SLC11A2: variants seen among roughly 807,000 people sequenced by gnomAD.
The protein encoded by SLC11A2 is natural resistance-associated macrophage protein 2.
In SLC11A2, 38 loss-of-function variants were observed where a neutral mutation model predicts 68.0. That is an observed-to-expected ratio of 0.56 (90% CI 0.43 to 0.73). The LOEUF is 0.73. SLC11A2 is among the 30% of genes least tolerant of loss of function. The pLI, the probability that SLC11A2 is intolerant of heterozygous loss-of-function variation, is 0.00. For synonymous variants in SLC11A2, 242 were observed against 250.6 expected, an observed-to-expected ratio of 0.97 and a Z score of 0.32; for missense variants, 517 against 690.5, an observed-to-expected ratio of 0.75 and a Z score of 2.82.
Position 51,009,025 on chromosome 12 carries a change from C to G in SLC11A2, c.35-401G>C, listed in dbSNP as rs1200723096. The stretch of plus-strand genomic sequence containing the variant: ...AAAATATCATATTCCCAGACCAGCT[C>G]CTGGTAACCTAAAATCCTAGCTTTT... On this transcript the variant is annotated intron_variant, in intron 2 of 15. Coordinates refer to ENST00000262052, the MANE Select transcript of SLC11A2 (RefSeq NM_000617.3). The G allele has an allele frequency of 3.8e-6, 3 of 781,128 alleles. No homozygotes were observed. In the African/African-American group the frequency reaches 5.1e-5, roughly 13 times the overall value. The allele number at this position is 781,128 out of a possible 1,614,324, so 48.4% of individuals were successfully genotyped here.
At chr12:50,955,046 C>A in the SLC11A2 span, among the ~76,000 whole-genome samples, 1 of 152,142 alleles carries the variant, frequency 6.6e-6, no homozygotes, top group Non-Finnish European at 1.5e-5. Flanking sequence ...AATCCCAGCA[C>A]TTTGAGAGGC....
rs1941070954 is a variant in SLC11A2, at chr12:50,990,788, G to C, written c.1575+7C>G. On this transcript the variant is annotated splice_region_variant and intron_variant, in intron 15 of 15. Transcript: ENST00000262052. ...CCTATGCCCCTGCTCTTCCAGGCTAGACTTACCAAGTAGAACACAAAGCCC... is the reference window on the plus strand; with the variant it reads ...CCTATGCCCCTGCTCTTCCAGGCTACACTTACCAAGTAGAACACAAAGCCC... The C allele has an allele frequency of 6.2e-7, 1 of 1,613,894 alleles. No homozygotes were observed.
intron 5 of SLC11A2, among the ~76,000 whole-genome samples, chr12:51,004,584 T>C (rs1942555853): frequency 6.6e-6 from 1 of 151,808 alleles, no homozygotes; most frequent in African/African-American, 2.4e-5. Flanking sequence ...GAAATGCGAG[T>C]CTCAAGTTAG....
intron 5 of SLC11A2, among the ~76,000 whole-genome samples, chr12:51,000,877 G>A (rs1486605241): frequency 6.6e-6 from 1 of 152,074 alleles, no homozygotes; most frequent in Non-Finnish European, 1.5e-5. Context: ...TGAAAAGGTT[G>A]GGGTCAGGCT....
rs899426163 is a variant in SLC11A2 at position 50,986,332 on chromosome 12, C to G, written c.*1993G>C. ...CAGAGTACTGGTTAAAATGCACTTT[C>G]TGTGAAGATCAAATGCAATAACGTA... On this transcript the variant is annotated 3_prime_UTR_variant, in exon 16 of 16. Coordinates refer to ENST00000262052, the MANE Select transcript of SLC11A2 (RefSeq NM_000617.3). 1.6e-6 allele frequency: 2 copies of G among 1,284,828 alleles called. No individual in the cohort carries two copies. The highest frequency in any genetic ancestry group is 2.0e-6 in the Non-Finnish European group (2 of 986,502). 79.6% of individuals were successfully genotyped at this position (1,284,828 alleles called of 1,614,324 possible).
At chr12:50,955,426 G>T in the SLC11A2 span, among the ~76,000 whole-genome samples, 1 of 152,166 alleles carries the variant, frequency 6.6e-6, no homozygotes, top group African/African-American at 2.4e-5. Context: ...ATGTTTTGAA[G>T]TCTGAGCTTT....
At chr12:50,981,861 G>T (rs905602048), downstream of SLC11A2, 2 of 975,122 alleles carry the variant, frequency 2.1e-6, no homozygotes, top group Non-Finnish European at 3.0e-6. Context: ...ATTGAAATCA[G>T]CTTTTAAGTA....
At chr12:50,960,254 A>T in the SLC11A2 span, among the ~76,000 whole-genome samples, 1 of 152,126 alleles carries the variant, frequency 6.6e-6, no homozygotes, top group East Asian at 1.9e-4. Flanking sequence ...AGAAGCACAA[A>T]TTTTTTCTCA....
chr12:50,959,036 A>G, the SLC11A2 span, among the ~76,000 whole-genome samples: 6 of 152,058 alleles, frequency 3.9e-5, no homozygotes, highest in African/African-American at 1.4e-4. Flanking sequence ...ACAAACAAAA[A>G]AAAGATGCAC....
At chr12:51,028,375 C>A (rs779759208), upstream of SLC11A2, 6 of 563,248 alleles carry the variant, frequency 1.1e-5, no homozygotes, top group Non-Finnish European at 1.9e-5. Flanking sequence ...AGAGGCAAAC[C>A]ACGCCCTCCA....
chr12:50,985,908 C>A, downstream of SLC11A2: 1 of 974,138 alleles, frequency 1.0e-6, no homozygotes, highest in Non-Finnish European at 1.2e-6. Flanking sequence ...GTGGTAGTTG[C>A]TGTTTCAGTA....
intron 1 of SLC11A2, among the ~76,000 whole-genome samples, chr12:51,017,050 A>G (rs1812658794): frequency 6.6e-6 from 1 of 151,996 alleles, no homozygotes; most frequent in Admixed American, 6.6e-5. Context: ...ACAAGATAAA[A>G]ATGCTAACAA....
chr12:50,975,272 G>C (rs1179390620), downstream of SLC11A2, among the ~76,000 whole-genome samples: 1 of 152,038 alleles, frequency 6.6e-6, no homozygotes, highest in Non-Finnish European at 1.5e-5. Flanking sequence ...TAAAAGAACA[G>C]AAATTATAAC....
intron 1 of SLC11A2, among the ~76,000 whole-genome samples, chr12:51,019,252 T>C (rs891216360): frequency 6.6e-6 from 1 of 152,242 alleles, no homozygotes; most frequent in Non-Finnish European, 1.5e-5. Flanking sequence ...CAAAGAATTC[T>C]CATTTTTTAA....
chr12:50,978,092 C>T (rs1939873900), downstream of SLC11A2, among the ~76,000 whole-genome samples: 1 of 152,136 alleles, frequency 6.6e-6, no homozygotes, highest in African/African-American at 2.4e-5. Context: ...GGCGATTCCT[C>T]AGGGATCTAG....
chr12:50,993,784 C>T (rs1396899271), intron 11 of SLC11A2, among the ~76,000 whole-genome samples: 2 of 151,336 alleles, frequency 1.3e-5, no homozygotes, highest in South Asian at 2.1e-4. Context: ...GCCAAGATCA[C>T]GCCAGTGCAC....
At chr12:50,972,500 A>G in the SLC11A2 span, among the ~76,000 whole-genome samples, 1 of 152,196 alleles carries the variant, frequency 6.6e-6, no homozygotes, top group African/African-American at 2.4e-5. Flanking sequence ...AGCCATTGCC[A>G]TGTTCTGGGG....
chr12:51,026,254 G>A, intron 1 of SLC11A2, 56 bp downstream of exon 1: 4 of 1,189,908 alleles, frequency 3.4e-6, no homozygotes, highest in Middle Eastern at 3.5e-4. Flanking sequence ...GCCGCCCCGC[G>A]CCCCTCCCTG....
At chr12:50,968,534 G>A in the SLC11A2 span, among the ~76,000 whole-genome samples, 2 of 151,980 alleles carry the variant, frequency 1.3e-5, no homozygotes, top group African/African-American at 4.8e-5. Context: ...CTACAGGCGT[G>A]TGCCACCATG....
Sources: allele counts gnomAD v4.1 joint callset (sites outside exome capture counted in the v4.1 genomes callset), GRCh38; gene constraint gnomAD v4.1.1; transcripts MANE v1.5; gene names NCBI Gene and HGNC (gene_info 2026-07-23, HGNC 2026-07-21).